SIAE: variants seen among roughly 807,000 people sequenced by gnomAD.
SIAE encodes the protein sialate O-acetylesterase.
Under a neutral mutation model 52.6 loss-of-function variants are expected in SIAE, and 39 were observed. The observed-to-expected ratio is 0.74, with a 90% confidence interval of 0.57 to 0.97. SIAE has a LOEUF of 0.97. Among genes scored for constraint, SIAE ranks in the 50% least tolerant of loss-of-function variants. SIAE has a pLI of 0.00. For synonymous variants in SIAE, 233 were observed against 241.4 expected (o/e 0.97, Z 0.32); for missense variants, 592 against 662.1 (o/e 0.89, Z 1.16).
chr11:124,657,685 C>T (rs774755310), intron 3 of SIAE, among the ~76,000 whole-genome samples: 38 of 152,290 alleles, frequency 2.5e-4, no homozygotes, highest in Non-Finnish European at 4.9e-4. Flanking sequence ...TAATTTCAAG[C>T]CCAAACTTGA....
At chr11:124,660,844 T>C in intron 2 of SIAE, 41 bp from the exon 3 acceptor site, 4 of 1,605,382 alleles carry the variant, frequency 2.5e-6, no homozygotes, top group Non-Finnish European at 3.4e-6. Flanking sequence ...ATCAATCAAT[T>C]AAAGTGAAAT....
At chr11:124,649,846 T>C (rs753628739) in intron 4 of SIAE, 50 bp from the exon 5 acceptor site, 19 of 1,598,382 alleles carry the variant, frequency 1.2e-5, no homozygotes, top group Non-Finnish European at 1.6e-5. Context: ...GGTTGATGGA[T>C]ACAAACTGCA....
rs572622576 is a variant in SIAE, at chr11:124,662,987, A to G, written c.230-2184T>C. On this transcript the variant is annotated intron_variant, in intron 2 of 9. Coordinates refer to ENST00000263593, the MANE Select transcript of SIAE (RefSeq NM_170601.5). ...TGGTGAAACCCTGTCTCTACTAAAA[A>G]TACAAAAATTAGCAGGGTGTGATGG... is the stretch of plus-strand genomic sequence containing the variant. Among the ~76,000 whole-genome samples the G allele has an allele frequency of 3.9e-5, 6 of 152,240 alleles. No homozygotes were observed. In the East Asian group the frequency reaches 1.2e-3, roughly 30 times the overall value.
chr11:124,648,512 C>T (rs1194767364), intron 5 of SIAE, among the ~76,000 whole-genome samples: 1 of 151,960 alleles, frequency 6.6e-6, no homozygotes, highest in Non-Finnish European at 1.5e-5. Flanking sequence ...ATTAAATAAA[C>T]CTTTATTTAA....
rs1565407326 is a variant in SIAE at position 124,638,716 on chromosome 11, C to CT, written c.1145dup (p.Thr383AspfsTer17). 2.5e-6 allele frequency: 4 copies of CT among 1,614,086 alleles called. No individual in the cohort carries two copies. On this transcript the variant is annotated frameshift_variant, in exon 9 of 10. Transcript: ENST00000263593. LOFTEE classifies it high-confidence loss of function. ...CCAAATGCAGCCGATAAGCCACAGT[C>CT]TGTTTATCTCGAGGGTGGATGCTAC...
intron 6 of SIAE, 80 bp from the exon 7 acceptor site, chr11:124,647,578 T>G: frequency 1.3e-6 from 2 of 1,539,756 alleles, no homozygotes; most frequent in Non-Finnish European, 1.8e-6. Flanking sequence ...CCTCCATCCA[T>G]GCCCTGAGGT....
At chr11:124,637,470 C>A (rs1348745928) in intron 9 of SIAE, among the ~76,000 whole-genome samples, 1 of 152,136 alleles carries the variant, frequency 6.6e-6, no homozygotes, top group Non-Finnish European at 1.5e-5. Flanking sequence ...TCACATAAGG[C>A]ATTTAGGGAA....
intron 7 of SIAE, among the ~76,000 whole-genome samples, chr11:124,640,588 C>T (rs1686234254): frequency 6.6e-6 from 1 of 152,156 alleles, no homozygotes; most frequent in South Asian, 2.1e-4. Context: ...GCACTGTAGG[C>T]AAGCAGAGAA....
At chr11:124,665,872 G>A (rs73609524) in intron 2 of SIAE, among the ~76,000 whole-genome samples, 16,406 of 151,980 alleles carry the variant, frequency 0.11, 2,836 homozygotes, top group African/African-American at 0.37. Flanking sequence ...GCCAACCAGG[G>A]GCAGGGAGGG....
rs993623638 is a variant in SIAE, at chr11:124,636,263, C to A, written c.*688G>T. The A allele has an allele frequency of 6.5e-6, 1 of 153,264 alleles. No homozygotes were observed. Among genetic ancestry groups the A allele is most frequent in the African/African-American group, 2.4e-5 (1 of 41,442 alleles). The allele number at this position is 153,264 out of a possible 1,614,324, so 9.5% of individuals were successfully genotyped here. On this transcript the variant is annotated 3_prime_UTR_variant, in exon 10 of 10. Transcript: ENST00000263593. Reference sequence around the variant, plus strand: ...CATTTCTTAAACATTCATATTACCACTATTTAGATTGAAGGAACAGAATTG... The same window carrying A: ...CATTTCTTAAACATTCATATTACCAATATTTAGATTGAAGGAACAGAATTG...
chr11:124,671,104 T>C (rs141407643), intron 1 of SIAE, among the ~76,000 whole-genome samples: 2 of 152,352 alleles, frequency 1.3e-5, no homozygotes, highest in African/African-American at 4.8e-5. Context: ...CAAGTCTGTC[T>C]GTTTTCACCA....
In SIAE at chr11:124,649,699, G is replaced by C. The variant is rs777190714; in HGVS notation, c.642C>G (p.Ile214Met). The change falls in exon 5 of 10, where the codon ATC becomes ATG. Residue 214 changes from isoleucine to methionine, a missense_variant. Ile to Met is a conservative substitution (Grantham distance 10). Transcript: ENST00000263593. The stretch of plus-strand genomic sequence containing the variant: ...TGGGTGTCCCGCCCCAGCTGGAGGC[G>C]ATCAGCCCGATGGGATACTGCAGAG... The part of the protein sequence containing the change: ...YDTLQYPIGL[I>M]ASSWGGTPIE... The C allele has an allele frequency of 5.0e-6, 8 of 1,614,022 alleles. No homozygotes were observed. Among genetic ancestry groups the C allele is most frequent in the Non-Finnish European group, 6.8e-6 (8 of 1,180,032 alleles).
intron 4 of SIAE, chr11:124,654,323 C>T (rs187842163): frequency 9.1e-6 from 9 of 985,304 alleles, no homozygotes; most frequent in Non-Finnish European, 1.1e-5. Context: ...CAGTTGTCTA[C>T]AGACACAGAG....
chr11:124,635,245 A>G lies in SIAE; in HGVS notation c.*1706T>C, dbSNP rs1243666395. The G allele has an allele frequency of 5.9e-5, 9 of 152,186 alleles. No homozygotes were observed. The highest frequency in any genetic ancestry group is 5.9e-4 in the Admixed American group (9 of 15,276). The allele number at this position is 152,186 out of a possible 1,614,324, so 9.4% of individuals were successfully genotyped here. On this transcript the variant is annotated 3_prime_UTR_variant, in exon 10 of 10. Transcript: ENST00000263593. ...ATCTGTTACAAGGTTCATGGTTTCTATGGGGCCAGATGCATGAGAGGTCAA... is the reference window on the plus strand; with the variant it reads ...ATCTGTTACAAGGTTCATGGTTTCTGTGGGGCCAGATGCATGAGAGGTCAA...
At chr11:124,673,859 C>G (rs1297206078), upstream of SIAE, 1 of 725,578 alleles carries the variant, frequency 1.4e-6, no homozygotes, top group Non-Finnish European at 2.1e-6. Context: ...CCTTCTCGGC[C>G]GCCGTAGTTT....
At chr11:124,648,463 C>T (rs1489214162) in intron 5 of SIAE, among the ~76,000 whole-genome samples, 3 of 146,552 alleles carry the variant, frequency 2.0e-5, no homozygotes, top group African/African-American at 8.3e-5. Flanking sequence ...TTGAGTTTCT[C>T]ACATTGTGGG....
chr11:124,653,008 T>C (rs1943039333), intron 4 of SIAE, among the ~76,000 whole-genome samples: 1 of 152,184 alleles, frequency 6.6e-6, no homozygotes, highest in Non-Finnish European at 1.5e-5. Context: ...ATTATCCAAA[T>C]TTGATTGAGT....
intron 2 of SIAE, among the ~76,000 whole-genome samples, chr11:124,665,346 A>T (rs1416222720): frequency 6.6e-6 from 1 of 152,244 alleles, no homozygotes; most frequent in Admixed American, 6.5e-5. Flanking sequence ...GTTGGCATAC[A>T]TAATAAGGTG....
At position 124,673,710 on chromosome 11, in the gene SIAE, CT is replaced by C; in HGVS notation, c.-3del. 5.0e-6 allele frequency: 8 copies of C among 1,613,516 alleles called. No individual in the cohort carries two copies. Among genetic ancestry groups the C allele is most frequent in the Non-Finnish European group, 6.8e-6 (8 of 1,179,762 alleles). ...GAGTACAAGCCCCGGCGCGACCATG[CT>C]TGCAAGGATCTGACCGCCGCCTAGG... is the stretch of plus-strand genomic sequence containing the variant. On this transcript the variant is annotated 5_prime_UTR_variant, in exon 1 of 10. Coordinates refer to ENST00000263593, the MANE Select transcript of SIAE (RefSeq NM_170601.5).
Sources: allele counts gnomAD v4.1 joint callset (sites outside exome capture counted in the v4.1 genomes callset), GRCh38; gene constraint gnomAD v4.1.1; transcripts MANE v1.5; gene names NCBI Gene and HGNC (gene_info 2026-07-23, HGNC 2026-07-21).